Variants in XKR9 observed in about 807,000 individuals in gnomAD.
XKR9 encodes XK related 9, also known as XK-related protein 9.
In XKR9, 32 loss-of-function variants were observed where a neutral mutation model predicts 32.0. The ratio of observed to expected loss-of-function variants is 1.00; its 90% CI spans 0.76 to 1.34. The LOEUF (loss-of-function observed/expected upper bound fraction) is 1.34, where lower values mean the gene tolerates loss of function less well. XKR9 is among the 40% of genes most tolerant of loss of function. The pLI, the probability that XKR9 is intolerant of heterozygous loss-of-function variation, is 0.00. For synonymous variants in XKR9, 168 were observed against 143.4 expected (o/e 1.17, Z -1.22); for missense variants, 546 against 429.7 (o/e 1.27, Z -2.39).
At position 70,734,040 on chromosome 8, in the gene XKR9, A is replaced by T. The variant is rs72667746; in HGVS notation, c.738A>T (p.Ala246=). 0.021 allele frequency: 34,378 copies of T among 1,613,344 alleles called. 424 individuals are homozygous for T. Among genetic ancestry groups the T allele is most frequent in the Non-Finnish European group, 0.026 (30,421 of 1,179,652 alleles). Residue 246 remains alanine (A), a synonymous_variant, in exon 5 of 5, where the codon GCA becomes GCT. Coordinates refer to ENST00000408926, the MANE Select transcript of XKR9 (RefSeq NM_001011720.2). ...TTTGGTTGTTAGGTATAATATGGGC[A>T]TTTAAAAACAACACCCAGTTTTGTA... The part of the protein sequence containing the change: ...LFLWLLGIIW[A]FKNNTQFCTC...
At chr8:70,946,886 T>C in the XKR9 span, among the ~76,000 whole-genome samples, 1 of 152,174 alleles carries the variant, frequency 6.6e-6, no homozygotes, top group Non-Finnish European at 1.5e-5. Flanking sequence ...GAGAATGGGA[T>C]ATGGGACCAA....
At chr8:70,728,922 TG>T (rs541627921) in intron 4 of XKR9, among the ~76,000 whole-genome samples, 7 of 152,206 alleles carry the variant, frequency 4.6e-5, no homozygotes, top group African/African-American at 7.2e-5. Flanking sequence ...ACCTATGAGT[TG>T]GGAAAATTCC....
chr8:70,741,891 C>G (rs1270204214), intron 2 of XKR9, among the ~76,000 whole-genome samples: 1 of 151,602 alleles, frequency 6.6e-6, no homozygotes, highest in Admixed American at 6.6e-5. Context: ...AATGGCTGCA[C>G]TATTTTACAA....
chr8:71,054,059 A>C, the XKR9 span, among the ~76,000 whole-genome samples: 1 of 152,234 alleles, frequency 6.6e-6, no homozygotes, highest in African/African-American at 2.4e-5. Context: ...GTTGAACCCC[A>C]GATAACTGCA....
chr8:70,751,042 C>T (rs761828383), intron 2 of XKR9, among the ~76,000 whole-genome samples: 4 of 152,126 alleles, frequency 2.6e-5, no homozygotes, highest in East Asian at 1.9e-4. Context: ...TCTGGCCTTC[C>T]GACTTGAACT....
intron 2 of XKR9, among the ~76,000 whole-genome samples, chr8:70,748,402 G>A (rs866959270): frequency 1.8e-4 from 27 of 152,350 alleles, no homozygotes; most frequent in Middle Eastern, 6.8e-3. Flanking sequence ...CGCTCCTGGC[G>A]CCTTCTCTGG....
At chr8:70,955,157 G>C in the XKR9 span, among the ~76,000 whole-genome samples, 2 of 152,092 alleles carry the variant, frequency 1.3e-5, no homozygotes, top group African/African-American at 4.8e-5. Flanking sequence ...AACCTCCTTG[G>C]GTTTTATGTG....
the XKR9 span, among the ~76,000 whole-genome samples, chr8:71,031,332 T>C: frequency 0.43 from 65,845 of 152,104 alleles, 15,307 homozygotes; most frequent in Non-Finnish European, 0.53. Context: ...TTAAATATTA[T>C]GTGTATGCAT....
chr8:70,980,105 A>C, the XKR9 span, among the ~76,000 whole-genome samples: 1 of 152,250 alleles, frequency 6.6e-6, no homozygotes, highest in Non-Finnish European at 1.5e-5. Context: ...CCATTTGCTA[A>C]GACCATTGAA....
chr8:71,032,850 C>T, the XKR9 span, among the ~76,000 whole-genome samples: 1 of 152,072 alleles, frequency 6.6e-6, no homozygotes, highest in African/African-American at 2.4e-5. Flanking sequence ...TTTGGGAGGC[C>T]GCAGCAGGTG....
chr8:70,947,678 A>G, the XKR9 span, among the ~76,000 whole-genome samples: 2 of 152,360 alleles, frequency 1.3e-5, no homozygotes, highest in Non-Finnish European at 2.9e-5. Flanking sequence ...ACCTAGGCTC[A>G]CTTGTGAACT....
chr8:70,869,992 A>G, the XKR9 span, among the ~76,000 whole-genome samples: 1 of 152,166 alleles, frequency 6.6e-6, no homozygotes, highest in East Asian at 1.9e-4. Context: ...TCTGGCATAT[A>G]GTAGGAATGA....
intron 3 of XKR9, among the ~76,000 whole-genome samples, chr8:70,685,989 C>G (rs1819263667): frequency 6.6e-6 from 1 of 151,136 alleles, no homozygotes; most frequent in East Asian, 1.9e-4. Flanking sequence ...TTTTTCAGTG[C>G]TCTTCCTTTC....
At chr8:70,717,047 A>G (rs1806116804) in intron 4 of XKR9, among the ~76,000 whole-genome samples, 1 of 152,220 alleles carries the variant, frequency 6.6e-6, no homozygotes, top group Non-Finnish European at 1.5e-5. Flanking sequence ...CTTTGACTTC[A>G]TGTCTCACAT....
chr8:70,917,030 C>G, the XKR9 span, among the ~76,000 whole-genome samples: 1 of 152,178 alleles, frequency 6.6e-6, no homozygotes, highest in South Asian at 2.1e-4. Context: ...GTCCATGAAT[C>G]TTGCTCACTA....
the XKR9 span, among the ~76,000 whole-genome samples, chr8:71,033,439 T>TG: frequency 6.6e-6 from 1 of 152,170 alleles, no homozygotes; most frequent in Non-Finnish European, 1.5e-5. Context: ...TTATTAATAG[T>TG]AGTGCTCTCA....
chr8:70,670,058 A>G (rs1352477658), intron 1 of XKR9, among the ~76,000 whole-genome samples: 3 of 152,192 alleles, frequency 2.0e-5, no homozygotes, highest in Non-Finnish European at 4.4e-5. Flanking sequence ...ATCCGACTTA[A>G]CGCCCTTAAT....
At chr8:70,982,004 C>T in the XKR9 span, among the ~76,000 whole-genome samples, 2 of 152,196 alleles carry the variant, frequency 1.3e-5, no homozygotes, top group Non-Finnish European at 2.9e-5. Context: ...ATGTTCATGT[C>T]TTGCAGCCAT....
At chr8:70,921,580 T>C in the XKR9 span, among the ~76,000 whole-genome samples, 1 of 152,250 alleles carries the variant, frequency 6.6e-6, no homozygotes, top group Non-Finnish European at 1.5e-5. Flanking sequence ...TTATTTAAGT[T>C]TCTCCCACAG....
Sources: allele counts gnomAD v4.1 joint callset (sites outside exome capture counted in the v4.1 genomes callset), GRCh38; gene constraint gnomAD v4.1.1; transcripts MANE v1.5; gene names NCBI Gene and HGNC (gene_info 2026-07-23, HGNC 2026-07-21).